The following DLG2 variants were observed in gnomAD, a reference collection of about 807,000 sequenced individuals.
The protein encoded by DLG2 is disks large homolog 2.
Under a neutral mutation model 132.5 loss-of-function variants are expected in DLG2, and 45 were observed. The observed-to-expected ratio is 0.34, with a 90% CI of 0.27 to 0.44. The LOEUF (loss-of-function observed/expected upper bound fraction) is 0.44, where lower values mean the gene tolerates loss of function less well. Ranked by LOEUF, DLG2 falls within the 20% of genes least tolerant of loss-of-function variation. The probability of loss-of-function intolerance (pLI) is 1.00; values close to 1 mark genes in which losing one functional copy is unlikely to be tolerated. For synonymous variants in DLG2, 424 were observed against 419.6 expected (o/e 1.01, Z -0.13); for missense variants, 1,045 against 1,196.9 (o/e 0.87, Z 1.87).
chr11:83,884,857 C>A (rs1230430271), intron 15 of DLG2, among the ~76,000 whole-genome samples: 2 of 152,146 alleles, frequency 1.3e-5, no homozygotes, highest in Non-Finnish European at 2.9e-5. Context: ...GGACCTCTAG[C>A]AAACTCCAAC....
intron 6 of DLG2, among the ~76,000 whole-genome samples, chr11:84,558,901 A>G (rs1269929285): frequency 6.6e-6 from 1 of 152,180 alleles, no homozygotes; most frequent in Non-Finnish European, 1.5e-5. Flanking sequence ...GGTCTCCTCC[A>G]GCAGTTAGCT....
At chr11:85,061,066 G>A (rs377507512) in intron 6 of DLG2, among the ~76,000 whole-genome samples, 1 of 151,250 alleles carries the variant, frequency 6.6e-6, no homozygotes, top group Non-Finnish European at 1.5e-5. Flanking sequence ...CAAATCCTTT[G>A]TCCATTTTTT....
Position 83,725,081 on chromosome 11 carries a change from A to C in DLG2, c.1825+61609T>G, listed in dbSNP as rs1447604766. On this transcript the variant is annotated intron_variant, in intron 18 of 27. Transcript: ENST00000376104. ...GAGCTAGTTTGAGATGCTTTGCAAC[A>C]CAAACAAGCCAATTTGAAAGATGGG... The C allele has an allele frequency of 2.8e-5, 16 of 562,840 alleles. No individual in the cohort carries two copies. In the African/African-American group the frequency reaches 3.0e-4, roughly 10 times the overall value. 34.9% of individuals were successfully genotyped at this position (562,840 alleles called of 1,614,324 possible).
At chr11:85,320,260 A>G (rs1297970263) in intron 3 of DLG2, among the ~76,000 whole-genome samples, 1 of 151,966 alleles carries the variant, frequency 6.6e-6, no homozygotes, top group African/African-American at 2.4e-5. Context: ...CATCTAGTCC[A>G]GCAGCCTTAT....
chr11:84,564,449 T>A (rs1011494550), intron 6 of DLG2, among the ~76,000 whole-genome samples: 5 of 152,196 alleles, frequency 3.3e-5, no homozygotes, highest in Non-Finnish European at 7.3e-5. Flanking sequence ...GAGAATGTAC[T>A]ATTCCCTTAT....
rs75430788 is a variant in DLG2 at position 85,598,152 on chromosome 11, A to G, written c.40+505T>C. The stretch of plus-strand genomic sequence containing the variant: ...CCAAAGCACTGAGATTTTCATCAAT[A>G]AACTTTTCAATTCTGGATCATAAAC... On this transcript the variant is annotated intron_variant, in intron 3 of 27. Transcript: ENST00000376104. Among the ~76,000 whole-genome samples, 362 of 152,186 alleles carry G rather than the reference A, an allele frequency of 2.4e-3. 1 individual carries two copies. The highest frequency in any genetic ancestry group is 0.019 in the East Asian group (96 of 5,184).
chr11:84,584,275 T>G (rs2099523667), intron 6 of DLG2, among the ~76,000 whole-genome samples: 1 of 152,186 alleles, frequency 6.6e-6, no homozygotes, highest in Non-Finnish European at 1.5e-5. Context: ...GTCTGGCATT[T>G]TGTTATACTA....
chr11:83,914,593 C>A (rs1460734166), intron 15 of DLG2, among the ~76,000 whole-genome samples: 2 of 152,108 alleles, frequency 1.3e-5, no homozygotes, highest in African/African-American at 4.8e-5. Flanking sequence ...CATTATTATC[C>A]TATGAGATGG....
At chr11:85,222,407 G>A (rs1595501665) in intron 4 of DLG2, among the ~76,000 whole-genome samples, 1 of 152,060 alleles carries the variant, frequency 6.6e-6, no homozygotes, top group African/African-American at 2.4e-5. Flanking sequence ...CATTAATGGT[G>A]AAAAAACACC....
chr11:84,273,374 C>CA, intron 7 of DLG2: 1 of 1,302,254 alleles, frequency 7.7e-7, no homozygotes, highest in Non-Finnish European at 9.8e-7. Context: ...ATCTGCTACA[C>CA]AAACTGCTAT....
intron 8 of DLG2, among the ~76,000 whole-genome samples, chr11:84,187,472 T>C (rs1164759554): frequency 6.6e-6 from 1 of 151,988 alleles, no homozygotes; most frequent in Non-Finnish European, 1.5e-5. Context: ...AAAAGAAGCA[T>C]CCCCCTTTTC....
chr11:84,779,834 T>G (rs548541273), intron 6 of DLG2, among the ~76,000 whole-genome samples: 3 of 150,630 alleles, frequency 2.0e-5, no homozygotes, highest in African/African-American at 4.9e-5. Flanking sequence ...CAGGAAGAAA[T>G]AGAAAATCTG....
intron 7 of DLG2, among the ~76,000 whole-genome samples, chr11:84,261,367 A>C (rs1311718579): frequency 6.6e-6 from 1 of 152,144 alleles, no homozygotes; most frequent in African/African-American, 2.4e-5. Context: ...TGCAGTCCTC[A>C]ATCTTATCTC....
At chr11:85,095,189 TATA>T (rs1053382546) in intron 6 of DLG2, among the ~76,000 whole-genome samples, 17 of 152,122 alleles carry the variant, frequency 1.1e-4, no homozygotes, top group African/African-American at 3.1e-4. Context: ...CCGTAACAGA[TATA>T]ATAATAATAA....
intron 4 of DLG2, among the ~76,000 whole-genome samples, chr11:85,199,152 G>A (rs553432345): frequency 1.3e-5 from 2 of 152,250 alleles, no homozygotes; most frequent in South Asian, 4.1e-4. Flanking sequence ...GCCAAAATCA[G>A]TGAATAACTC....
chr11:84,420,912 C>T (rs964942909), intron 7 of DLG2, among the ~76,000 whole-genome samples: 1 of 151,946 alleles, frequency 6.6e-6, no homozygotes, highest in Admixed American at 6.6e-5. Context: ...TCGTGATCTG[C>T]CCGCCTCGGC....
intron 3 of DLG2, among the ~76,000 whole-genome samples, chr11:85,564,206 G>T (rs1400564463): frequency 6.6e-6 from 1 of 151,714 alleles, no homozygotes; most frequent in Non-Finnish European, 1.5e-5. Context: ...TCATTCTCTG[G>T]CTTCCCTTTT....
chr11:84,195,418 C>T (rs1334907056), intron 8 of DLG2, among the ~76,000 whole-genome samples: 1 of 152,200 alleles, frequency 6.6e-6, no homozygotes, highest in African/African-American at 2.4e-5. Flanking sequence ...CCTGCCTCAG[C>T]CTCCCAAAGT....
intron 16 of DLG2, among the ~76,000 whole-genome samples, chr11:83,837,635 C>A (rs114815573): frequency 7.3e-6 from 1 of 137,752 alleles, no homozygotes; most frequent in Non-Finnish European, 1.5e-5. Context: ...CTAAAGGGAG[C>A]AGGTTTTACT....
Sources: gnomAD v4.1 joint callset for allele counts (sites outside exome capture counted in the v4.1 genomes callset) on GRCh38, gnomAD v4.1.1 for gene constraint, MANE v1.5 for transcripts, NCBI Gene and HGNC (gene_info 2026-07-23, HGNC 2026-07-21) for gene names.